LINGO3: variants seen among roughly 807,000 people sequenced by gnomAD.
LINGO3 encodes the protein leucine rich repeat and Ig domain containing 3.
For synonymous variants in LINGO3, 427 were observed against 444.2 expected (o/e 0.96, Z 0.49); for missense variants, 750 against 867.7 (o/e 0.86, Z 1.70).
the LINGO3 span, among the ~76,000 whole-genome samples, chr19:2,297,302 C>G: frequency 2.1e-5 from 3 of 143,500 alleles, no homozygotes; most frequent in East Asian, 2.0e-4. Context: ...CTCCCTCCCC[C>G]CCTTTTTTTT....
the LINGO3 span, among the ~76,000 whole-genome samples, chr19:2,303,737 C>T: frequency 2.0e-5 from 3 of 152,372 alleles, no homozygotes; most frequent in African/African-American, 7.2e-5. Flanking sequence ...CCTCCATCTC[C>T]AGAGAGCAGG....
chr19:2,291,037 T>C lies in LINGO3; in HGVS notation c.740A>G (p.Asn247Ser), dbSNP rs1400293778. The C allele has an allele frequency of 4.3e-6, 7 of 1,610,830 alleles. No homozygotes were observed. Among genetic ancestry groups the C allele is most frequent in the Non-Finnish European group, 5.9e-6 (7 of 1,179,108 alleles). The change falls in exon 1 of 1, where the codon AAC (asparagine) becomes AGC (serine). Residue 247 changes from asparagine (N) to serine (S), a missense_variant. Asn to Ser is a conservative substitution (Grantham distance 46, BLOSUM62 1). Coordinates refer to ENST00000585527, the Ensembl canonical transcript of LINGO3. ...GTGGGTGACCGACAGCGAGGTCAGGTTCAGGCCCCGCAGGCTGCCCGCCGC... is the reference window on the plus strand; with the variant it reads ...GTGGGTGACCGACAGCGAGGTCAGGCTCAGGCCCCGCAGGCTGCCCGCCGC...
At chr19:2,289,721 C>A (rs897063909), downstream of LINGO3, 8 of 247,916 alleles carry the variant, frequency 3.2e-5, no homozygotes, top group East Asian at 9.8e-5. Flanking sequence ...GGGAGCCCAT[C>A]CCCCCATCCT....
At position 2,290,825 on chromosome 19, in the gene LINGO3, G is replaced by A. The variant is rs1183531402; in HGVS notation, c.952C>T (p.Arg318Cys). ...GAGAGGTTGAGCAGGCGGATCTGGC[G>A]CAGGCCCAGGAAGGCCTGCGGCTCC... Residue 318 changes from arginine (R) to cysteine (C), a missense_variant, in exon 1 of 1, where the codon CGC (arginine) becomes TGC (cysteine). Transcript: ENST00000585527. The surrounding 1 kb of genome is among the most constrained non-coding windows in gnomAD (Gnocchi z 6.0). 1 of 1,612,396 alleles carries A rather than the reference G, an allele frequency of 6.2e-7. No homozygotes were observed. The highest frequency in any genetic ancestry group is 2.2e-5 in the East Asian group (1 of 44,856).
chr19:2,304,600 G>A, the LINGO3 span, among the ~76,000 whole-genome samples: 1 of 152,124 alleles, frequency 6.6e-6, no homozygotes, highest in Non-Finnish European at 1.5e-5. Context: ...GAAGGGATAG[G>A]GTGGGGCCCT....
chr19:2,299,031 G>A, the LINGO3 span, among the ~76,000 whole-genome samples: 22 of 152,222 alleles, frequency 1.4e-4, no homozygotes, highest in African/African-American at 3.4e-4. Context: ...TCTGGACCTC[G>A]CCTGTCACGG....
chr19:2,296,810 C>T (rs146857062), upstream of LINGO3, among the ~76,000 whole-genome samples: 701 of 149,820 alleles, frequency 4.7e-3, 12 homozygotes, highest in African/African-American at 0.016. Flanking sequence ...AAGAATAGGC[C>T]GGGCATGGTG....
At chr19:2,299,772 G>A in the LINGO3 span, among the ~76,000 whole-genome samples, 11 of 142,110 alleles carry the variant, frequency 7.7e-5, no homozygotes, top group East Asian at 2.0e-3. Flanking sequence ...CGCCCAGGCT[G>A]GAGTGCAGTG....
At chr19:2,291,670 C>T (rs2025524855) in exon 1 of LINGO3, 3 of 1,331,748 alleles carry the variant, frequency 2.3e-6, no homozygotes, top group Non-Finnish European at 2.9e-6. Context: ...GGCCACCGCG[C>T]GGGTCTGCAC....
At chr19:2,304,588 A>G in the LINGO3 span, among the ~76,000 whole-genome samples, 1 of 151,660 alleles carries the variant, frequency 6.6e-6, no homozygotes, top group African/African-American at 2.4e-5. Context: ...TGCTGAGGCT[A>G]TGAAGGGATA....
At chr19:2,289,263 GGTGTGAGCTGT>G (rs578097190), downstream of LINGO3, among the ~76,000 whole-genome samples, 210 of 147,438 alleles carry the variant, frequency 1.4e-3, 1 homozygote, top group African/African-American at 4.8e-3. Flanking sequence ...GTGTGTTCTG[GGTGTGAGCTGT>G]GTGTGTCCTG....
upstream of LINGO3, chr19:2,292,101 T>G: frequency 2.9e-6 from 1 of 349,966 alleles, no homozygotes. Flanking sequence ...GGCAGGAGGA[T>G]GGCTTGGGCC....
the LINGO3 span, among the ~76,000 whole-genome samples, chr19:2,301,090 C>A: frequency 6.6e-6 from 1 of 152,114 alleles, no homozygotes; most frequent in Non-Finnish European, 1.5e-5. Context: ...CTGCATCCCA[C>A]AATCCTCAGC....
chr19:2,304,740 CAG>C, the LINGO3 span, among the ~76,000 whole-genome samples: 2 of 83,032 alleles, frequency 2.4e-5, no homozygotes, highest in Non-Finnish European at 2.4e-5. Context: ...TTTTTTGAGA[CAG>C]AGTCTCGCTC....
exon 1 of LINGO3, chr19:2,291,735 C>G: frequency 7.4e-7 from 1 of 1,348,138 alleles, no homozygotes; most frequent in Non-Finnish European, 9.5e-7. Context: ...CCGCGGGCAG[C>G]AGGAGCAGGG....
chr19:2,303,373 T>G, the LINGO3 span, among the ~76,000 whole-genome samples: 1 of 151,480 alleles, frequency 6.6e-6, no homozygotes, highest in South Asian at 2.1e-4. Flanking sequence ...GGGGGTCTGT[T>G]CCGGGCTGTG....
exon 1 of LINGO3, chr19:2,291,056 C>T (rs1457050825): frequency 1.9e-5 from 30 of 1,610,158 alleles, no homozygotes; most frequent in Non-Finnish European, 2.5e-5. Context: ...CGCAGGCTGC[C>T]CGCCGCCACC....
chr19:2,295,117 G>C (rs2025562080), upstream of LINGO3, among the ~76,000 whole-genome samples: 1 of 152,212 alleles, frequency 6.6e-6, no homozygotes, highest in African/African-American at 2.4e-5. Flanking sequence ...ACTGCTTCAT[G>C]TCAGAGATGA....
rs928344449 is a variant in LINGO3 at position 2,290,337 on chromosome 19, G to A, written c.1440C>T (p.Cys480=). 9.7e-6 allele frequency: 15 copies of A among 1,541,404 alleles called. No homozygotes were observed. The Admixed American group carries it at 1.2e-4, about 12-fold the overall frequency. ...CGTTGCCGCCCGCGTTGCTGGCCAC[G>A]CACGTGTAGGTGCCGCTGTCCTGCG... The change falls in exon 1 of 1, where the codon TGC becomes TGT. Residue 480 remains cysteine, a synonymous_variant. Transcript: ENST00000585527. The surrounding 1 kb of genome is among the most constrained non-coding windows in gnomAD (Gnocchi z 6.0).
Sources: allele counts gnomAD v4.1 joint callset (sites outside exome capture counted in the v4.1 genomes callset), GRCh38; gene constraint gnomAD v4.1.1; non-coding constraint Gnocchi (gnomAD v3.1); transcripts MANE v1.5; gene names NCBI Gene and HGNC (gene_info 2026-07-23, HGNC 2026-07-21).